AK5: variants seen among roughly 807,000 people sequenced by gnomAD.
AK5 encodes the protein adenylate kinase 5.
AK5 carries 27 observed loss-of-function variants against 69.5 expected under a neutral mutation model. The ratio of observed to expected loss-of-function variants is 0.39; its 90% CI spans 0.29 to 0.54. The LOEUF is 0.54. AK5 is among the 20% of genes least tolerant of loss of function. The pLI, the probability that AK5 is intolerant of heterozygous loss-of-function variation, is 0.71. For synonymous variants in AK5, 260 were observed against 244.4 expected (o/e 1.06, Z -0.60); for missense variants, 531 against 700.4 (o/e 0.76, Z 2.73).
intron 5 of AK5, among the ~76,000 whole-genome samples, chr1:77,306,504 T>G (rs1359453862): frequency 4.0e-5 from 6 of 150,648 alleles, no homozygotes; most frequent in Non-Finnish European, 7.4e-5. Context: ...GTTTTTTTTT[T>G]TTTTTTTGAG....
At chr1:77,390,404 T>C (rs1648343711) in intron 6 of AK5, among the ~76,000 whole-genome samples, 1 of 152,202 alleles carries the variant, frequency 6.6e-6, no homozygotes, top group Non-Finnish European at 1.5e-5. Flanking sequence ...GACTACTGCA[T>C]ATATGTTGGA....
At chr1:77,287,965 A>G (rs1313147974) in intron 2 of AK5, among the ~76,000 whole-genome samples, 5 of 147,516 alleles carry the variant, frequency 3.4e-5, no homozygotes, top group African/African-American at 1.2e-4. Flanking sequence ...TTTGTCCACA[A>G]GGACTCAAAT....
chr1:77,443,677 C>CTGTG (rs71244408), intron 8 of AK5, among the ~76,000 whole-genome samples: 18,579 of 133,892 alleles, frequency 0.14, 1,376 homozygotes, highest in Middle Eastern at 0.16. Flanking sequence ...TGTGGGGAGT[C>CTGTG]TGTGTGTGTG....
At chr1:77,373,385 T>C (rs533575116) in intron 6 of AK5, among the ~76,000 whole-genome samples, 1 of 152,292 alleles carries the variant, frequency 6.6e-6, no homozygotes, top group East Asian at 1.9e-4. Context: ...CATATATTAA[T>C]AGTAATACAG....
chr1:77,431,878 G>C (rs954298866), intron 8 of AK5, among the ~76,000 whole-genome samples: 1 of 152,152 alleles, frequency 6.6e-6, no homozygotes, highest in Non-Finnish European at 1.5e-5. Context: ...ATTATCCTTG[G>C]CTACAAGGAT....
intron 12 of AK5, among the ~76,000 whole-genome samples, chr1:77,533,528 AAAAAAAAC>A (rs1658781522): frequency 6.6e-6 from 1 of 151,054 alleles, no homozygotes; most frequent in Non-Finnish European, 1.5e-5. Flanking sequence ...AAAAAAAAAA[AAAAAAAAC>A]AGATTCTGCT....
Position 77,462,560 on chromosome 1 carries a change from T to C in AK5, c.1060-20757T>C, listed in dbSNP as rs369112850. ...TCTTGTGAATATATATATACAGTTT[T>C]ATAAAAATGGGATCACAGTATATCC... On this transcript the variant is annotated intron_variant, in intron 8 of 13. Coordinates refer to ENST00000354567, the MANE Select transcript of AK5 (RefSeq NM_174858.3). Among the ~76,000 whole-genome samples, 12 of 152,314 alleles carry C rather than the reference T, an allele frequency of 7.9e-5. No homozygotes were observed. In the South Asian group the frequency reaches 2.5e-3, roughly 32 times the overall value.
At chr1:77,439,497 C>CT (rs1291325408) in intron 8 of AK5, among the ~76,000 whole-genome samples, 1 of 151,992 alleles carries the variant, frequency 6.6e-6, no homozygotes, top group South Asian at 2.1e-4. Flanking sequence ...AGAAATTATT[C>CT]TTTTTATCTA....
intron 6 of AK5, 109 bp downstream of exon 6, chr1:77,340,677 G>C (rs1173032846): frequency 1.0e-6 from 1 of 991,896 alleles, no homozygotes; most frequent in Admixed American, 2.5e-5. Context: ...GTGGCTTTTG[G>C]GGGGTACAGA....
At position 77,368,194 on chromosome 1, in the gene AK5, C is replaced by T. The variant is rs1282028822; in HGVS notation, c.891+27626C>T. The stretch of plus-strand genomic sequence containing the variant: ...ACAACCTCTTGTCATTATGATTTGA[C>T]CTTACTGAAGAGTAGAGATACTATA... On this transcript the variant is annotated intron_variant, in intron 6 of 13. Coordinates refer to ENST00000354567, the MANE Select transcript of AK5 (RefSeq NM_174858.3). Among the ~76,000 whole-genome samples, 3 of 96,632 alleles carry T rather than the reference C, an allele frequency of 3.1e-5. No individual in the cohort carries two copies. The Admixed American group carries it at 4.0e-4, about 13-fold the overall frequency. The allele number at this position is 96,632 out of a possible 152,430, so 63.4% of individuals were successfully genotyped here. A position where few individuals can be genotyped will look rare whatever the true frequency, so the allele number is the denominator to read the frequency against.
chr1:77,450,042 A>G (rs1653041853), intron 8 of AK5, among the ~76,000 whole-genome samples: 1 of 152,146 alleles, frequency 6.6e-6, no homozygotes, highest in Non-Finnish European at 1.5e-5. Flanking sequence ...TCAAGTTCAA[A>G]GTTCCACAAA....
chr1:77,367,219 G>A lies in AK5; in HGVS notation c.891+26651G>A, dbSNP rs141703248. Among the ~76,000 whole-genome samples, 564 of 151,768 alleles carry A rather than the reference G, an allele frequency of 3.7e-3. 1 individual carries two copies. Among genetic ancestry groups the A allele is most frequent in the African/African-American group, 0.013 (530 of 41,376 alleles). Reference sequence around the variant, plus strand: ...GGGACCAGAAGTGTTTCAGATTTGGGGTTTTTTTTGGGGGGAGGGTGGGAT... The same window carrying A: ...GGGACCAGAAGTGTTTCAGATTTGGAGTTTTTTTTGGGGGGAGGGTGGGAT... On this transcript the variant is annotated intron_variant, in intron 6 of 13. Transcript: ENST00000354567.
At chr1:77,294,081 AG>A (rs1658847066) in intron 3 of AK5, 121 bp downstream of exon 3, 1 of 801,072 alleles carries the variant, frequency 1.2e-6, no homozygotes, top group African/African-American at 1.8e-5. Flanking sequence ...TAGAAACAAA[AG>A]CTCAAGGGAC....
intron 8 of AK5, among the ~76,000 whole-genome samples, chr1:77,425,689 A>C (rs531945596): frequency 6.6e-6 from 1 of 152,306 alleles, no homozygotes; most frequent in East Asian, 1.9e-4. Flanking sequence ...AAAATAAAGA[A>C]ATTTTTCTTA....
chr1:77,384,375 A>G (rs1221772821), intron 6 of AK5, among the ~76,000 whole-genome samples: 1 of 152,238 alleles, frequency 6.6e-6, no homozygotes. Context: ...GGTGATAATT[A>G]TATCTACTAC....
At chr1:77,318,361 G>A (rs577886428) in intron 5 of AK5, among the ~76,000 whole-genome samples, 1 of 152,236 alleles carries the variant, frequency 6.6e-6, no homozygotes, top group East Asian at 1.9e-4. Context: ...CCATTCATGA[G>A]AACTTTGCCC....
intron 6 of AK5, among the ~76,000 whole-genome samples, chr1:77,401,572 G>T (rs1055547279): frequency 1.3e-5 from 2 of 152,258 alleles, no homozygotes; most frequent in South Asian, 2.1e-4. Context: ...AAGCAGAATC[G>T]CAGAGGAAAG....
At chr1:77,332,230 C>T (rs972432309) in intron 5 of AK5, among the ~76,000 whole-genome samples, 5 of 151,736 alleles carry the variant, frequency 3.3e-5, no homozygotes, top group South Asian at 2.1e-4. Flanking sequence ...CAATATTATT[C>T]GTGCCTTTCC....
Position 77,535,831 on chromosome 1 carries a change from C to G in AK5, c.1429-16C>G. 1 of 1,607,838 alleles carries G rather than the reference C, an allele frequency of 6.2e-7. No homozygotes were observed. Among genetic ancestry groups the G allele is most frequent in the East Asian group, 2.2e-5 (1 of 44,774 alleles). ...GTGAGGTTTCTGACTGTGTTGTGCTCCACTCCCATCTCCAGATTGGAGACC... is the reference window on the plus strand; with the variant it reads ...GTGAGGTTTCTGACTGTGTTGTGCTGCACTCCCATCTCCAGATTGGAGACC... On this transcript the variant is annotated splice_polypyrimidine_tract_variant and intron_variant, in intron 12 of 13. Coordinates refer to ENST00000354567, the MANE Select transcript of AK5 (RefSeq NM_174858.3).
Sources: allele counts gnomAD v4.1 joint callset (sites outside exome capture counted in the v4.1 genomes callset), GRCh38; gene constraint gnomAD v4.1.1; transcripts MANE v1.5; gene names NCBI Gene and HGNC (gene_info 2026-07-23, HGNC 2026-07-21).